SIRPB1: variants seen among roughly 807,000 people sequenced by gnomAD.
SIRPB1 encodes signal regulatory protein beta 1.
A neutral mutation model predicts 34.1 loss-of-function variants in SIRPB1; 28 were observed. That is an observed-to-expected ratio of 0.82 (90% CI 0.61 to 1.12). The LOEUF (loss-of-function observed/expected upper bound fraction) is 1.12. Among genes scored for constraint, SIRPB1 ranks in the 50% most tolerant of loss-of-function variants. The pLI, the probability that SIRPB1 is intolerant of heterozygous loss-of-function variation, is 0.00. For synonymous variants in SIRPB1, 211 were observed against 203.8 expected (o/e 1.04, Z -0.30); for missense variants, 499 against 507.0 (o/e 0.98, Z 0.15).
At chr20:1,598,351 G>T in intron 1 of SIRPB1, 1 of 371,042 alleles carries the variant, frequency 2.7e-6, no homozygotes, top group Non-Finnish European at 3.1e-6. Flanking sequence ...GAGTCTTGAT[G>T]CCTCTCTCCT....
chr20:1,568,345 C>T (rs1382987674), intron 4 of SIRPB1, among the ~76,000 whole-genome samples: 1 of 152,208 alleles, frequency 6.6e-6, no homozygotes, highest in Non-Finnish European at 1.5e-5. Flanking sequence ...AGGCATCCTG[C>T]AGTTTGCCTG....
rs73604180 is a variant in SIRPB1 at position 1,610,359 on chromosome 20, C to T, written c.76+9510G>A. Among the ~76,000 whole-genome samples, 37 of 72,496 alleles carry T rather than the reference C, an allele frequency of 5.1e-4. 13 individuals carry two copies. Among genetic ancestry groups the T allele is most frequent in the Non-Finnish European group, 7.8e-4 (30 of 38,582 alleles). 47.6% of individuals were successfully genotyped at this position (72,496 alleles called of 152,430 possible). ...GATATGGACTCTGGCTCCAATTCTG[C>T]CACTAACTGGCCCTGTGACCATGGA... On this transcript the variant is annotated intron_variant, in intron 1 of 5. Transcript: ENST00000381605.
Position 1,565,004 on chromosome 20 carries a change from T to G in SIRPB1, c.*496A>C. 1 of 398,588 alleles carries G rather than the reference T, an allele frequency of 2.5e-6. No homozygotes were observed. The highest frequency in any genetic ancestry group is 3.6e-5 in the East Asian group (1 of 28,066). The allele number at this position is 398,588 out of a possible 1,614,324, so 24.7% of individuals were successfully genotyped here. ...AGAGAGAGAAGGGAGAGCTTCTTTC[T>G]TTTTGGGTTTGAGGGATAGGATGCT... On this transcript the variant is annotated 3_prime_UTR_variant, in exon 6 of 6. Transcript: ENST00000381605.
intron 1 of SIRPB1, among the ~76,000 whole-genome samples, chr20:1,616,758 G>A (rs2091636215): frequency 6.6e-6 from 1 of 152,072 alleles, no homozygotes; most frequent in Non-Finnish European, 1.5e-5. Context: ...AGAGTGAAAA[G>A]ACAACCAGCA....
rs1484733955 is a variant in SIRPB1 at position 1,582,589 on chromosome 20, T to A, written c.77-3895A>T. On this transcript the variant is annotated intron_variant, in intron 1 of 5. Coordinates refer to ENST00000381605, the MANE Select transcript of SIRPB1 (RefSeq NM_006065.5). ...TACAACACGAGCAAGTGATATTTATTTCTGGAATACAAGGATGTTTCCATG... is the reference window on the plus strand; with the variant it reads ...TACAACACGAGCAAGTGATATTTATATCTGGAATACAAGGATGTTTCCATG... 1.3e-3 allele frequency among the ~76,000 whole-genome samples: 63 copies of A among 49,410 alleles called. 29 individuals are homozygous for A. Among genetic ancestry groups the A allele is most frequent in the Admixed American group, 1.9e-3 (14 of 7,356 alleles). 32.4% of individuals were successfully genotyped at this position (49,410 alleles called of 152,430 possible).
chr20:1,566,290 A>G lies in SIRPB1; in HGVS notation c.1085-23T>C, dbSNP rs777587337. On this transcript the variant is annotated intron_variant, in intron 4 of 5. Coordinates refer to ENST00000381605, the MANE Select transcript of SIRPB1 (RefSeq NM_006065.5). ...CTTCTGGAAATCAGGGAAGAGGAGG[A>G]GCCATGAGAGGGGCCACCTGGGAGC... The G allele has an allele frequency of 4.0e-6, 6 of 1,516,040 alleles. No individual in the cohort carries two copies. The Admixed American group carries it at 9.5e-5, about 24-fold the overall frequency. The allele number at this position is 1,516,040 out of a possible 1,614,324, so 93.9% of individuals were successfully genotyped here.
chr20:1,570,643 G>A, intron 4 of SIRPB1, 162 bp downstream of exon 4: 3 of 613,560 alleles, frequency 4.9e-6, no homozygotes, highest in South Asian at 4.5e-5. Flanking sequence ...TTGTTACCTT[G>A]AACCTTCTAA....
At position 1,564,512 on chromosome 20, in the gene SIRPB1, T is replaced by C. The variant is rs1356455236; in HGVS notation, c.*988A>G. On this transcript the variant is annotated 3_prime_UTR_variant, in exon 6 of 6. Coordinates refer to ENST00000381605, the MANE Select transcript of SIRPB1 (RefSeq NM_006065.5). The stretch of plus-strand genomic sequence containing the variant: ...TGATTTGACTTTTCCAAAGAATCAC[T>C]GTGGCTGAAAAATGAAAGCCAGAGG... 2 of 164,984 alleles carry C rather than the reference T, an allele frequency of 1.2e-5. No individual in the cohort carries two copies. Among genetic ancestry groups the C allele is most frequent in the Non-Finnish European group, 2.6e-5 (2 of 76,714 alleles). The allele number at this position is 164,984 out of a possible 1,614,324, so 10.2% of individuals were successfully genotyped here. A position where few individuals can be genotyped will look rare whatever the true frequency, so the allele number is the denominator to read the frequency against.
Position 1,584,709 on chromosome 20 carries a change from A to G in SIRPB1, c.77-6015T>C, listed in dbSNP as rs1263649755. On this transcript the variant is annotated intron_variant, in intron 1 of 5. Coordinates refer to ENST00000381605, the MANE Select transcript of SIRPB1 (RefSeq NM_006065.5). ...CAAAGAGATCTACAGATTCAATTCA[A>G]TGTCAGTAAAATTTCAATGAAATTC... is the stretch of plus-strand genomic sequence containing the variant. 8.0e-5 allele frequency among the ~76,000 whole-genome samples: 4 copies of G among 49,694 alleles called. 2 individuals carry two copies. The highest frequency in any genetic ancestry group is 1.6e-4 in the Non-Finnish European group (4 of 25,644). 32.6% of individuals were successfully genotyped at this position (49,694 alleles called of 152,430 possible).
chr20:1,578,120 GCCTTCTGT>G lies in SIRPB1; in HGVS notation c.433+210_433+217del, dbSNP rs1600120122. 26 of 574,458 alleles carry G rather than the reference GCCTTCTGT, an allele frequency of 4.5e-5. No homozygotes were observed. In the East Asian group the frequency reaches 6.9e-4, roughly 15 times the overall value. 35.6% of individuals were successfully genotyped at this position (574,458 alleles called of 1,614,324 possible). A position where few individuals can be genotyped will look rare whatever the true frequency, so the allele number is the denominator to read the frequency against. On this transcript the variant is annotated intron_variant, in intron 2 of 5. Coordinates refer to ENST00000381605, the MANE Select transcript of SIRPB1 (RefSeq NM_006065.5). ...AGCTGTAGAGCCGCAGACTGGGGAT[GCCTTCTGT>G]CCCATCATTTACAAGCCGTGGAGCC...
At position 1,583,895 on chromosome 20, in the gene SIRPB1, G is replaced by A. The variant is rs190675076; in HGVS notation, c.77-5201C>T. Among the ~76,000 whole-genome samples the A allele has an allele frequency of 3.5e-4, 8 of 23,090 alleles. 3 individuals are homozygous for A. The highest frequency in any genetic ancestry group is 4.4e-4 in the Non-Finnish European group (5 of 11,260). 15.1% of individuals were successfully genotyped at this position (23,090 alleles called of 152,430 possible). On this transcript the variant is annotated intron_variant, in intron 1 of 5. Transcript: ENST00000381605. Reference sequence around the variant, plus strand: ...TACTACTACTACTACTACTACTACTGCTGCTGCTGCTGCTGTGTGTTTCCA... The same window carrying A: ...TACTACTACTACTACTACTACTACTACTGCTGCTGCTGCTGTGTGTTTCCA...
intron 4 of SIRPB1, among the ~76,000 whole-genome samples, chr20:1,566,919 C>T (rs1031860150): frequency 2.0e-5 from 3 of 152,024 alleles, no homozygotes; most frequent in Admixed American, 2.0e-4. Flanking sequence ...GGGAATGTGC[C>T]TCGGGCTTGG....
At position 1,561,437 on chromosome 20, in the gene SIRPB1, G is replaced by A. The variant is rs901653185; in HGVS notation, c.*4063C>T. On this transcript the variant is annotated 3_prime_UTR_variant, in exon 6 of 6. Coordinates refer to ENST00000381605, the MANE Select transcript of SIRPB1 (RefSeq NM_006065.5). Reference sequence around the variant, plus strand: ...AGATCTTTTCTTTTTACCTAATGTCGTTTTTCTCTTCCAGCATCCCATCCA... The same window carrying A: ...AGATCTTTTCTTTTTACCTAATGTCATTTTTCTCTTCCAGCATCCCATCCA... Among the ~76,000 whole-genome samples the A allele has an allele frequency of 4.6e-5, 7 of 152,010 alleles. No homozygotes were observed. The highest frequency in any genetic ancestry group is 2.1e-4 in the South Asian group (1 of 4,820).
Position 1,589,656 on chromosome 20 carries a change from G to A in SIRPB1, c.77-10962C>T, listed in dbSNP as rs1158287563. 8.2e-5 allele frequency among the ~76,000 whole-genome samples: 4 copies of A among 48,632 alleles called. 2 individuals are homozygous for A. The highest frequency in any genetic ancestry group is 5.5e-4 in the Admixed American group (4 of 7,252). 31.9% of individuals were successfully genotyped at this position (48,632 alleles called of 152,430 possible). A position where few individuals can be genotyped will look rare whatever the true frequency, so the allele number is the denominator to read the frequency against. On this transcript the variant is annotated intron_variant, in intron 1 of 5. Coordinates refer to ENST00000381605, the MANE Select transcript of SIRPB1 (RefSeq NM_006065.5). ...TGAAACCCAGTAGGTCATTATTGAT[G>A]CTAATGACACCAGGTGAAGAGCGGG...
rs74709685 is a variant in SIRPB1, at chr20:1,576,522, T to G, written c.433+1816A>C. ...TCCTCACAAGTCCTTCTCTGAGAAT[T>G]AATCTCCTTCCTCTGTCTTGTAAGG... On this transcript the variant is annotated intron_variant, in intron 2 of 5. Transcript: ENST00000381605. Among the ~76,000 whole-genome samples the G allele has an allele frequency of 6.5e-3, 969 of 148,332 alleles. 57 individuals carry two copies. Among genetic ancestry groups the G allele is most frequent in the African/African-American group, 0.023 (937 of 40,908 alleles).
chr20:1,606,138 T>C lies in SIRPB1; in HGVS notation c.76+13731A>G, dbSNP rs1419210665. 6.2e-5 allele frequency among the ~76,000 whole-genome samples: 3 copies of C among 48,356 alleles called. 1 individual carries two copies. The highest frequency in any genetic ancestry group is 4.5e-4 in the African/African-American group (3 of 6,704). The allele number at this position is 48,356 out of a possible 152,430, so 31.7% of individuals were successfully genotyped here. On this transcript the variant is annotated intron_variant, in intron 1 of 5. Transcript: ENST00000381605. Reference sequence around the variant, plus strand: ...ACCTCTTTATCTTTCAGATAAATGCTATTTCCTTTGGCCTTCCTAACAATC... The same window carrying C: ...ACCTCTTTATCTTTCAGATAAATGCCATTTCCTTTGGCCTTCCTAACAATC...
At position 1,566,178 on chromosome 20, in the gene SIRPB1, T is replaced by A. The variant is rs960309328; in HGVS notation, c.1174A>T (p.Ile392Phe). The A allele has an allele frequency of 6.8e-6, 11 of 1,610,366 alleles. No individual in the cohort carries two copies. Among genetic ancestry groups the A allele is most frequent in the Non-Finnish European group, 9.3e-6 (11 of 1,178,272 alleles). The change falls in exon 5 of 6, where the codon ATC (isoleucine) becomes TTC (phenylalanine). Residue 392 changes from isoleucine (I) to phenylalanine (F), a missense_variant. By Grantham distance (21) the Ile-to-Phe change is conservative. Coordinates refer to ENST00000381605, the MANE Select transcript of SIRPB1 (RefSeq NM_006065.5). ...AGTCAGGCCTTCTGTTTCCAGCAGA[T>A]GTAGATGGCAGAGACACCAACCACC... ...LLVVGVSAIY[I>F]CWKQKA
chr20:1,616,349 G>A (rs1267713050), intron 1 of SIRPB1, among the ~76,000 whole-genome samples: 1 of 152,136 alleles, frequency 6.6e-6, no homozygotes, highest in Non-Finnish European at 1.5e-5. Flanking sequence ...CATGGCACTG[G>A]CATAAAAATA....
At chr20:1,572,770 G>C (rs762309263) in intron 2 of SIRPB1, among the ~76,000 whole-genome samples, 14,363 of 148,590 alleles carry the variant, frequency 0.097, 894 homozygotes, top group Non-Finnish European at 0.13. Context: ...ATTAATTAAG[G>C]ATAAAGCTTT....
Sources: allele counts gnomAD v4.1 joint callset (sites outside exome capture counted in the v4.1 genomes callset), GRCh38; gene constraint gnomAD v4.1.1; transcripts MANE v1.5; gene names NCBI Gene and HGNC (gene_info 2026-07-23, HGNC 2026-07-21).